CCDC149: variants seen among roughly 807,000 people sequenced by gnomAD.
CCDC149 encodes coiled-coil domain-containing protein 149.
CCDC149 carries 45 observed loss-of-function variants against 59.9 expected under a neutral mutation model. That is an observed-to-expected ratio of 0.75 (90% confidence interval 0.59 to 0.96). The LOEUF (loss-of-function observed/expected upper bound fraction) is 0.96, where lower values mean the gene tolerates loss of function less well. CCDC149 is among the 40% of genes least tolerant of loss of function. The probability of loss-of-function intolerance (pLI) is 0.00; values close to 1 mark genes in which losing one functional copy is unlikely to be tolerated. For synonymous variants in CCDC149, 245 were observed against 260.6 expected (o/e 0.94, Z 0.58); for missense variants, 584 against 664.7 (o/e 0.88, Z 1.33).
chr4:24,869,053 C>T (rs1405652543), intron 3 of CCDC149, among the ~76,000 whole-genome samples: 1 of 152,240 alleles, frequency 6.6e-6, no homozygotes, highest in East Asian at 1.9e-4. Flanking sequence ...CACTCAATGA[C>T]ACCGGCTGCG....
chr4:24,979,388 A>C (rs2109377324), intron 1 of CCDC149, among the ~76,000 whole-genome samples: 1 of 152,316 alleles, frequency 6.6e-6, no homozygotes, highest in Non-Finnish European at 1.5e-5. Flanking sequence ...AAATGGTCAG[A>C]GCACAGACAG....
At chr4:24,863,983 C>T (rs921511375) in intron 3 of CCDC149, among the ~76,000 whole-genome samples, 4 of 152,086 alleles carry the variant, frequency 2.6e-5, no homozygotes, top group Non-Finnish European at 5.9e-5. Flanking sequence ...GCCATTGTTC[C>T]ATCTGCGAGG....
At chr4:24,878,449 G>C (rs1260851150) in intron 1 of CCDC149, among the ~76,000 whole-genome samples, 1 of 152,146 alleles carries the variant, frequency 6.6e-6, no homozygotes, top group Non-Finnish European at 1.5e-5. Context: ...GATTTCTCAA[G>C]AGTAAAATCC....
Position 24,808,837 on chromosome 4 carries a change from A to G in CCDC149, c.1193-18T>C. The G allele has an allele frequency of 1.3e-6, 2 of 1,532,114 alleles. No individual in the cohort carries two copies. Among genetic ancestry groups the G allele is most frequent in the South Asian group, 1.2e-5 (1 of 80,312 alleles). The allele number at this position is 1,532,114 out of a possible 1,614,324, so 94.9% of individuals were successfully genotyped here. ...AGCCTCCCCTGAAAACAGAACGAGG[A>G]CAACATTAAACCTCTGGCAGCAAAT... On this transcript the variant is annotated intron_variant, in intron 12 of 12. Transcript: ENST00000635206.
At chr4:24,825,215 AAACGTCTGGT>A (rs1715648392) in intron 9 of CCDC149, among the ~76,000 whole-genome samples, 1 of 152,220 alleles carries the variant, frequency 6.6e-6, no homozygotes, top group African/African-American at 2.4e-5. Flanking sequence ...TTGAGAGACT[AAACGTCTGGT>A]GGGAGACAGA....
At chr4:24,873,581 C>T in intron 3 of CCDC149, 100 bp downstream of exon 3, 1 of 831,840 alleles carries the variant, frequency 1.2e-6, no homozygotes, top group Non-Finnish European at 2.0e-6. Context: ...GAAAGAATTC[C>T]AGGAAATTAA....
At chr4:24,887,893 C>T (rs1050396397) in intron 1 of CCDC149, among the ~76,000 whole-genome samples, 1 of 152,134 alleles carries the variant, frequency 6.6e-6, no homozygotes, top group Non-Finnish European at 1.5e-5. Flanking sequence ...CCAACTTCAT[C>T]ATCAGCTCTT....
intron 1 of CCDC149, among the ~76,000 whole-genome samples, chr4:24,885,986 C>T (rs924256567): frequency 3.3e-5 from 5 of 152,152 alleles, no homozygotes; most frequent in Admixed American, 3.3e-4. Context: ...CTACTTGAAA[C>T]ATCATATTTA....
At chr4:24,918,278 G>A (rs1457551405) in intron 1 of CCDC149, among the ~76,000 whole-genome samples, 1 of 151,966 alleles carries the variant, frequency 6.6e-6, no homozygotes, top group African/African-American at 2.4e-5. Flanking sequence ...CTTGGGGATG[G>A]GGAAAAAAAA....
At chr4:24,825,783 A>C (rs557616349) in intron 9 of CCDC149, among the ~76,000 whole-genome samples, 3 of 152,096 alleles carry the variant, frequency 2.0e-5, no homozygotes, top group South Asian at 2.1e-4. Flanking sequence ...AAAAAAAAAA[A>C]AACACACACA....
At chr4:24,822,680 T>C (rs975812680) in intron 9 of CCDC149, 107 bp from the exon 10 acceptor site, 1 of 686,872 alleles carries the variant, frequency 1.5e-6, no homozygotes. Context: ...ATTTATGATA[T>C]ATGCAAAAAA....
intron 1 of CCDC149, among the ~76,000 whole-genome samples, chr4:24,977,872 C>T (rs1177472359): frequency 6.6e-6 from 1 of 152,168 alleles, no homozygotes; most frequent in Admixed American, 6.5e-5. Context: ...GTGGCTCATG[C>T]CTGTAATCCC....
At chr4:24,879,505 A>G (rs1196280204) in intron 1 of CCDC149, among the ~76,000 whole-genome samples, 4 of 147,142 alleles carry the variant, frequency 2.7e-5, no homozygotes, top group Admixed American at 6.7e-5. Context: ...AAAAAGAGCG[A>G]AACTCTTGTC....
intron 1 of CCDC149, among the ~76,000 whole-genome samples, chr4:24,948,671 T>C (rs1417677474): frequency 6.6e-6 from 1 of 152,178 alleles, no homozygotes; most frequent in Non-Finnish European, 1.5e-5. Flanking sequence ...GTGTCCTCCT[T>C]CCACCATATC....
chr4:24,866,804 A>T (rs575370301), intron 3 of CCDC149, among the ~76,000 whole-genome samples: 228 of 107,230 alleles, frequency 2.1e-3, no homozygotes, highest in African/African-American at 6.7e-3. Context: ...AAAAAAAAAA[A>T]ATATACACAC....
In CCDC149 at chr4:24,817,558, G is replaced by C. The variant is rs551674722; in HGVS notation, c.1192+2301C>G. ...GTCTTCTTACCCAGTGATAAGAAGT[G>C]GTCTTCTTACCACTCCATGCACTAT... On this transcript the variant is annotated intron_variant, in intron 12 of 12. Transcript: ENST00000635206. Among the ~76,000 whole-genome samples, 6 of 151,712 alleles carry C rather than the reference G, an allele frequency of 4.0e-5. No individual in the cohort carries two copies. The South Asian group carries it at 8.4e-4, about 21-fold the overall frequency.
chr4:24,959,155 T>C (rs1226555720), intron 1 of CCDC149, among the ~76,000 whole-genome samples: 3 of 152,126 alleles, frequency 2.0e-5, no homozygotes, highest in Non-Finnish European at 2.9e-5. Flanking sequence ...TTTGTATTTT[T>C]AGTGGAGATG....
rs138594404 is a variant in CCDC149, at chr4:24,972,505, T to C, written c.-65+7564A>G. Among the ~76,000 whole-genome samples the C allele has an allele frequency of 6.3e-4, 96 of 151,894 alleles. No individual in the cohort carries two copies. In the East Asian group the frequency reaches 0.018, roughly 29 times the overall value. Reference sequence around the variant, plus strand: ...GCATTTTTTGTAGAGATGGGGTTTTTCCGTGTTGCCCAGTCTAGTCTCAAA... The same window carrying C: ...GCATTTTTTGTAGAGATGGGGTTTTCCCGTGTTGCCCAGTCTAGTCTCAAA... On this transcript the variant is annotated intron_variant, in intron 1 of 12. Coordinates refer to the CCDC149 transcript ENST00000389609.
chr4:24,840,504 C>T (rs1716869855), intron 4 of CCDC149, among the ~76,000 whole-genome samples: 1 of 152,176 alleles, frequency 6.6e-6, no homozygotes, highest in Non-Finnish European at 1.5e-5. Flanking sequence ...TCACCCGACA[C>T]ACACGTTCCC....
Sources: allele counts gnomAD v4.1 joint callset (sites outside exome capture counted in the v4.1 genomes callset), GRCh38; gene constraint gnomAD v4.1.1; transcripts MANE v1.5; gene names NCBI Gene and HGNC (gene_info 2026-07-23, HGNC 2026-07-21).